The following NUDCD3 variants were observed in gnomAD, a reference collection of about 807,000 sequenced individuals.
The protein encoded by NUDCD3 is NudC domain containing 3, also known as nudC domain-containing protein 3.
A neutral mutation model predicts 39.7 loss-of-function variants in NUDCD3; 13 were observed. That is an observed-to-expected ratio of 0.33 (90% CI 0.21 to 0.52). NUDCD3 has a LOEUF of 0.52. Ranked by LOEUF, NUDCD3 falls within the 20% of genes least tolerant of loss-of-function variation. The pLI, the probability that NUDCD3 is intolerant of heterozygous loss-of-function variation, is 0.96. For synonymous variants in NUDCD3, 175 were observed against 172.4 expected (o/e 1.02, Z -0.12); for missense variants, 453 against 458.1 (o/e 0.99, Z 0.10).
At chr7:44,487,549 T>G (rs1017268340) in intron 1 of NUDCD3, among the ~76,000 whole-genome samples, 3 of 151,994 alleles carry the variant, frequency 2.0e-5, no homozygotes, top group African/African-American at 7.3e-5. Context: ...GTTATGCTGG[T>G]ACCAAGTCAC....
At chr7:44,473,866 AAG>A (rs1301716018) in intron 2 of NUDCD3, among the ~76,000 whole-genome samples, 3 of 152,226 alleles carry the variant, frequency 2.0e-5, no homozygotes, top group Non-Finnish European at 2.9e-5. Context: ...AGGGAAAAAA[AAG>A]AGAGAAAAAT....
At chr7:44,402,703 A>C (rs1197175566) in intron 4 of NUDCD3, 1 of 456,562 alleles carries the variant, frequency 2.2e-6, no homozygotes, top group Non-Finnish European at 4.4e-6. Context: ...CATGATCTGC[A>C]CTGAGTTCAC....
intron 2 of NUDCD3, among the ~76,000 whole-genome samples, chr7:44,463,549 A>G (rs929307249): frequency 1.3e-5 from 2 of 152,202 alleles, no homozygotes; most frequent in African/African-American, 4.8e-5. Context: ...CTACACCTAA[A>G]GAAGTGATGC....
chr7:44,488,415 GAC>G (rs1402090415), intron 1 of NUDCD3, among the ~76,000 whole-genome samples: 2 of 151,298 alleles, frequency 1.3e-5, no homozygotes, highest in African/African-American at 4.9e-5. Flanking sequence ...CAGAAAACAT[GAC>G]ACCTCTCTTA....
rs535841358 is a variant in NUDCD3 at position 44,433,859 on chromosome 7, C to T, written c.510-6156G>A. Among the ~76,000 whole-genome samples, 8 of 152,268 alleles carry T rather than the reference C, an allele frequency of 5.3e-5. No homozygotes were observed. In the South Asian group the frequency reaches 8.3e-4, roughly 16 times the overall value. On this transcript the variant is annotated intron_variant, in intron 2 of 5. Transcript: ENST00000355451. The stretch of plus-strand genomic sequence containing the variant: ...AAGGCCAGGGCCTCAGCAAGGCACT[C>T]GAGGTAGCCCATGATTGAGTCGTCA...
chr7:44,441,167 CCTG>C (rs1799577086), intron 2 of NUDCD3, among the ~76,000 whole-genome samples: 1 of 152,134 alleles, frequency 6.6e-6, no homozygotes, highest in Non-Finnish European at 1.5e-5. Context: ...ATTTACTGCT[CCTG>C]CTGTTTTGGG....
At chr7:44,396,551 T>C (rs755889828) in intron 4 of NUDCD3, among the ~76,000 whole-genome samples, 31 of 152,180 alleles carry the variant, frequency 2.0e-4, no homozygotes, top group Non-Finnish European at 4.0e-4. Flanking sequence ...CACTCTGAGC[T>C]GCAGATCCCC....
chr7:44,401,272 A>C (rs972906284), intron 4 of NUDCD3, among the ~76,000 whole-genome samples: 3 of 152,256 alleles, frequency 2.0e-5, no homozygotes, highest in African/African-American at 7.2e-5. Flanking sequence ...GAATCAAAGC[A>C]ATCGGCTCAT....
Position 44,427,686 on chromosome 7 carries a change from T to TGCTCCTGAAATCCTGAGATTTCAG in NUDCD3, c.526_527insCTGAAATCTCAGGATTTCAGGAGC (p.Phe175_Gln176insProGluIleSerGlyPheGlnGlu), listed in dbSNP as rs774964042. 1.4e-5 allele frequency: 23 copies of TGCTCCTGAAATCCTGAGATTTCAG among 1,614,094 alleles called. No homozygotes were observed. The highest frequency in any genetic ancestry group is 1.9e-5 in the Non-Finnish European group (23 of 1,179,996). ...ACCATTGTAACTGTCGGGATTTTTC[T>TGCTCCTGAAATCCTGAGATTTCAG]GGAACTGCTCCTGAATCCTGAGAAA... On this transcript the variant is annotated inframe_insertion, in exon 3 of 6. Transcript: ENST00000355451.
At chr7:44,444,977 C>A (rs1007273142) in intron 2 of NUDCD3, among the ~76,000 whole-genome samples, 4 of 152,214 alleles carry the variant, frequency 2.6e-5, no homozygotes, top group African/African-American at 7.2e-5. Flanking sequence ...CATAACCAAA[C>A]TTGCCTTTCT....
chr7:44,394,155 C>T (rs992664184), intron 4 of NUDCD3, among the ~76,000 whole-genome samples: 3 of 152,188 alleles, frequency 2.0e-5, no homozygotes, highest in Non-Finnish European at 2.9e-5. Context: ...AAGACAAAAA[C>T]CTGCAATCAT....
intron 4 of NUDCD3, among the ~76,000 whole-genome samples, chr7:44,403,813 G>A (rs1288871192): frequency 1.3e-5 from 2 of 151,984 alleles, no homozygotes; most frequent in East Asian, 1.9e-4. Context: ...ACCCCAGTAG[G>A]AGAAAAAAAG....
intron 2 of NUDCD3, among the ~76,000 whole-genome samples, chr7:44,451,976 G>A (rs1799801206): frequency 6.6e-6 from 1 of 152,038 alleles, no homozygotes; most frequent in Admixed American, 6.5e-5. Context: ...CTATAGAGAA[G>A]GAAAAAAAAG....
At chr7:44,469,422 AAAT>A (rs1800206273) in intron 2 of NUDCD3, among the ~76,000 whole-genome samples, 2 of 152,246 alleles carry the variant, frequency 1.3e-5, no homozygotes, top group African/African-American at 4.8e-5. Context: ...GTATAATTCT[AAAT>A]AATAAATGGA....
intron 2 of NUDCD3, among the ~76,000 whole-genome samples, chr7:44,432,942 T>G (rs547725373): frequency 6.6e-6 from 1 of 152,308 alleles, no homozygotes; most frequent in South Asian, 2.1e-4. Flanking sequence ...AACGTGTATC[T>G]TGAAATCCTA....
In NUDCD3 at chr7:44,435,310, C is replaced by T. The variant is rs147533921; in HGVS notation, c.510-7607G>A. 4.3e-3 allele frequency among the ~76,000 whole-genome samples: 649 copies of T among 152,216 alleles called. 7 individuals carry two copies. The highest frequency in any genetic ancestry group is 0.015 in the African/African-American group (617 of 41,542). ...CCCCAACCTGGGACCAGAACACACA[C>T]GGTAAGCCTAGCCGTCTTCCTTACA... On this transcript the variant is annotated intron_variant, in intron 2 of 5. Coordinates refer to ENST00000355451, the MANE Select transcript of NUDCD3 (RefSeq NM_015332.4).
chr7:44,456,025 C>CAAAAAAAAAAAAAAAAAAAAAAAA (rs1233592095), intron 2 of NUDCD3, among the ~76,000 whole-genome samples: 1 of 28,498 alleles, frequency 3.5e-5, no homozygotes, highest in Non-Finnish European at 5.7e-5. Flanking sequence ...GACTCCGTCT[C>CAAAAAAAAAAAAAAAAAAAAAAAA]AAAAAAAAAA....
At chr7:44,427,796 G>A in intron 2 of NUDCD3, 93 bp from the exon 3 acceptor site, 1 of 1,336,974 alleles carries the variant, frequency 7.5e-7, no homozygotes, top group Non-Finnish European at 1.0e-6. Flanking sequence ...ACATCCTGGA[G>A]ACGTGACCAA....
intron 2 of NUDCD3, among the ~76,000 whole-genome samples, chr7:44,452,273 C>T (rs1799808017): frequency 1.3e-5 from 2 of 152,224 alleles, no homozygotes; most frequent in African/African-American, 2.4e-5. Flanking sequence ...CGAAAACCCA[C>T]CTCTACAAAA....
Sources: gnomAD v4.1 joint callset for allele counts (sites outside exome capture counted in the v4.1 genomes callset) on GRCh38, gnomAD v4.1.1 for gene constraint, MANE v1.5 for transcripts, NCBI Gene and HGNC (gene_info 2026-07-23, HGNC 2026-07-21) for gene names.